The following ABLIM1 variants were observed in gnomAD, a reference collection of about 807,000 sequenced individuals.
ABLIM1 encodes actin-binding LIM protein 1.
In ABLIM1, 40 loss-of-function variants were observed where a neutral mutation model predicts 107.0. The observed-to-expected ratio is 0.37, with a 90% CI of 0.29 to 0.49. The LOEUF is 0.49. Among genes scored for constraint, ABLIM1 ranks in the 20% least tolerant of loss-of-function variants. The probability of loss-of-function intolerance (pLI) is 0.97; values close to 1 mark genes in which losing one functional copy is unlikely to be tolerated. For synonymous variants in ABLIM1, 357 were observed against 357.3 expected (o/e 1.00, Z 0.01); for missense variants, 857 against 1,008.5 (o/e 0.85, Z 2.04).
At chr10:114,644,105 C>A (rs1234935329) in intron 1 of ABLIM1, among the ~76,000 whole-genome samples, 1 of 149,996 alleles carries the variant, frequency 6.7e-6, no homozygotes, top group Non-Finnish European at 1.5e-5. Context: ...CATGGTGAAA[C>A]CCCGTCTCTA....
chr10:114,439,498 C>T, intron 20 of ABLIM1: 2 of 582,844 alleles, frequency 3.4e-6, no homozygotes, highest in Non-Finnish European at 6.1e-6. Context: ...GAATTAGGCT[C>T]CATGAATGAA....
chr10:114,764,784 A>G (rs1246089771), intron 1 of ABLIM1: 1 of 152,346 alleles, frequency 6.6e-6, no homozygotes, highest in Admixed American at 6.5e-5. Context: ...TGGCTCTGAC[A>G]TTCAATTCAG....
At position 114,762,072 on chromosome 10, in the gene ABLIM1, C is replaced by T. The variant is rs142695795; in HGVS notation, c.-213+5989G>A. ...TTTTTGAGATGGAGTCTCACTTTGT[C>T]GCCCAGGCTGGAGGGCAGTGGCGCA... On this transcript the variant is annotated intron_variant, in intron 1 of 15. Transcript: ENST00000651092. 6.3e-3 allele frequency among the ~76,000 whole-genome samples: 963 copies of T among 152,000 alleles called. 7 individuals carry two copies. The highest frequency in any genetic ancestry group is 0.022 in the African/African-American group (912 of 41,448).
intron 4 of ABLIM1, among the ~76,000 whole-genome samples, chr10:114,570,103 A>C (rs2071426363): frequency 6.6e-6 from 1 of 152,216 alleles, no homozygotes; most frequent in South Asian, 2.1e-4. Context: ...GACTCACTTA[A>C]GGGCTTAAAG....
At chr10:114,491,288 T>A (rs141665385) in intron 7 of ABLIM1, among the ~76,000 whole-genome samples, 193 of 151,988 alleles carry the variant, frequency 1.3e-3, no homozygotes, top group African/African-American at 4.5e-3. Context: ...GTGAAACAAG[T>A]CTGTGACGTA....
At chr10:114,498,254 A>G (rs1565627448) in intron 6 of ABLIM1, among the ~76,000 whole-genome samples, 1 of 152,170 alleles carries the variant, frequency 6.6e-6, no homozygotes, top group Non-Finnish European at 1.5e-5. Context: ...GTAAAATTCT[A>G]TGTTTCGGTG....
Position 114,432,315 on chromosome 10 carries a change from AC to A in ABLIM1, c.*3944del, listed in dbSNP as rs2058940260. 6.6e-6 allele frequency: 1 copy of A among 152,238 alleles called. No homozygotes were observed. The highest frequency in any genetic ancestry group is 1.5e-5 in the Non-Finnish European group (1 of 68,040). 9.4% of individuals were successfully genotyped at this position (152,238 alleles called of 1,614,324 possible). ...AAAAACTGAGATTGCTTCAGAGGAC[AC>A]AGGAGGGTTGATGAGACAGTCTATT... On this transcript the variant is annotated 3_prime_UTR_variant, in exon 23 of 23. Transcript: ENST00000533213.
chr10:114,667,443 T>G (rs2080073248), intron 1 of ABLIM1, among the ~76,000 whole-genome samples: 1 of 152,252 alleles, frequency 6.6e-6, no homozygotes, highest in Non-Finnish European at 1.5e-5. Context: ...CAGTCTTTTC[T>G]CTTTAACCAC....
At chr10:114,505,902 C>T (rs772719898) in intron 6 of ABLIM1, among the ~76,000 whole-genome samples, 5 of 152,136 alleles carry the variant, frequency 3.3e-5, no homozygotes, top group African/African-American at 7.2e-5. Flanking sequence ...GGTACATGTG[C>T]AGGTTTGTCA....
intron 21 of ABLIM1, among the ~76,000 whole-genome samples, chr10:114,438,433 T>G (rs1163746770): frequency 6.6e-6 from 1 of 152,096 alleles, no homozygotes; most frequent in Non-Finnish European, 1.5e-5. Flanking sequence ...CAATTTTTTT[T>G]AAGTTTTAGT....
At chr10:114,747,367 A>G (rs1000386765) in intron 1 of ABLIM1, among the ~76,000 whole-genome samples, 13 of 152,186 alleles carry the variant, frequency 8.5e-5, no homozygotes, top group Non-Finnish European at 1.5e-5. Context: ...GCCATGGCCA[A>G]GCTGTAGGAA....
Position 114,448,005 on chromosome 10 carries a change from T to C in ABLIM1, c.1610A>G (p.Gln537Arg). 1 of 1,614,194 alleles carries C rather than the reference T, an allele frequency of 6.2e-7. No individual in the cohort carries two copies. The highest frequency in any genetic ancestry group is 8.5e-7 in the Non-Finnish European group (1 of 1,180,016). ...IYKQHAALAA[Q>R]SKSSEDIIKF... ...GATGATATCTTCTGAGGACTTGCTCTGGGCTGCCAAGGCAGCTGCATCTAG... is the reference window on the plus strand; with the variant it reads ...GATGATATCTTCTGAGGACTTGCTCCGGGCTGCCAAGGCAGCTGCATCTAG... Residue 537 changes from glutamine (Q) to arginine (R), a missense_variant, in exon 15 of 23, where the codon CAG becomes CGG. Coordinates refer to ENST00000533213, the MANE Select transcript of ABLIM1 (RefSeq NM_002313.7).
intron 1 of ABLIM1, among the ~76,000 whole-genome samples, chr10:114,641,243 A>C (rs1051564635): frequency 7.3e-6 from 1 of 137,030 alleles, no homozygotes; most frequent in Non-Finnish European, 1.5e-5. Context: ...TGTGAAGCCA[A>C]TCATAAAAAA....
intron 1 of ABLIM1, among the ~76,000 whole-genome samples, chr10:114,607,831 G>A (rs907038479): frequency 2.0e-5 from 3 of 152,192 alleles, no homozygotes; most frequent in African/African-American, 7.2e-5. Context: ...ATGACTAAAC[G>A]TAATGTGGGA....
intron 12 of ABLIM1, chr10:114,463,194 C>A: frequency 4.1e-6 from 5 of 1,219,050 alleles, no homozygotes; most frequent in Admixed American, 2.9e-5. Flanking sequence ...GGGCAGGGCA[C>A]GGTGGAAACA....
At chr10:114,565,813 G>C (rs1301927136) in intron 4 of ABLIM1, among the ~76,000 whole-genome samples, 2 of 16,822 alleles carry the variant, frequency 1.2e-4, no homozygotes, top group South Asian at 2.3e-3. Flanking sequence ...TTTTTTTTTT[G>C]AGACAGAGTC....
At chr10:114,788,588 C>T in the ABLIM1 span, among the ~76,000 whole-genome samples, 3 of 151,910 alleles carry the variant, frequency 2.0e-5, no homozygotes, top group Non-Finnish European at 4.4e-5. Context: ...ATTAGCTGGG[C>T]GTGGTGGCGT....
intron 1 of ABLIM1, among the ~76,000 whole-genome samples, chr10:114,712,031 G>T (rs527312912): frequency 6.6e-6 from 1 of 152,216 alleles, no homozygotes; most frequent in African/African-American, 2.4e-5. Flanking sequence ...GGGGTCTCCA[G>T]GGTGACAGGG....
intron 8 of ABLIM1, among the ~76,000 whole-genome samples, chr10:114,477,300 T>C (rs1036375746): frequency 6.6e-6 from 1 of 152,228 alleles, no homozygotes; most frequent in Non-Finnish European, 1.5e-5. Flanking sequence ...GCGCTAGCTC[T>C]GTAAGAACAC....
Sources: gnomAD v4.1 joint callset for allele counts (sites outside exome capture counted in the v4.1 genomes callset) on GRCh38, gnomAD v4.1.1 for gene constraint, MANE v1.5 for transcripts, NCBI Gene and HGNC (gene_info 2026-07-23, HGNC 2026-07-21) for gene names.